Variants in IMMP2L observed in about 807,000 individuals in gnomAD.
IMMP2L encodes the protein mitochondrial inner membrane protease subunit 2.
A neutral mutation model predicts 19.3 loss-of-function variants in IMMP2L; 18 were observed. That is an observed-to-expected ratio of 0.93 (90% CI 0.64 to 1.38). The LOEUF (loss-of-function observed/expected upper bound fraction) is 1.38, where lower values mean the gene tolerates loss of function less well. IMMP2L is among the 40% of genes most tolerant of loss of function. The probability of loss-of-function intolerance (pLI) is 0.00; values close to 1 mark genes in which losing one functional copy is unlikely to be tolerated. For missense variants in IMMP2L, 233 were observed against 218.2 expected (o/e 1.07, Z -0.43); for synonymous variants, 76 against 73.0 (o/e 1.04, Z -0.21).
chr7:110,914,040 C>T (rs1405427873), intron 4 of IMMP2L, among the ~76,000 whole-genome samples: 1 of 152,096 alleles, frequency 6.6e-6, no homozygotes, highest in African/African-American at 2.4e-5. Flanking sequence ...AGTCAACCAG[C>T]AAAATGTCTT....
At chr7:110,927,232 C>T (rs1353196350) in intron 4 of IMMP2L, among the ~76,000 whole-genome samples, 1 of 151,922 alleles carries the variant, frequency 6.6e-6, no homozygotes, top group Non-Finnish European at 1.5e-5. Context: ...AGACCTTACC[C>T]AACATATATA....
intron 3 of IMMP2L, chr7:111,394,860 G>A (rs1043904782): frequency 4.4e-6 from 1 of 228,220 alleles, no homozygotes; most frequent in East Asian, 1.1e-4. Context: ...AATAGTATCA[G>A]TGTAAGGCCC....
At chr7:111,119,040 C>A (rs1800249961) in intron 3 of IMMP2L, among the ~76,000 whole-genome samples, 1 of 152,164 alleles carries the variant, frequency 6.6e-6, no homozygotes, top group African/African-American at 2.4e-5. Flanking sequence ...TATATTAAGA[C>A]TCCCCCAGAA....
chr7:111,406,153 T>G (rs977937175), intron 3 of IMMP2L, among the ~76,000 whole-genome samples: 12 of 152,142 alleles, frequency 7.9e-5, no homozygotes, highest in Non-Finnish European at 1.0e-4. Context: ...AAAATTTGCT[T>G]TCTACCACCC....
intron 3 of IMMP2L, among the ~76,000 whole-genome samples, chr7:111,152,904 T>C (rs971661374): frequency 1.3e-5 from 2 of 152,128 alleles, no homozygotes; most frequent in Non-Finnish European, 2.9e-5. Flanking sequence ...AAATAGTGGA[T>C]AGCTGTATAT....
chr7:111,156,332 A>C (rs1384674743), intron 3 of IMMP2L, among the ~76,000 whole-genome samples: 1 of 152,108 alleles, frequency 6.6e-6, no homozygotes, highest in Non-Finnish European at 1.5e-5. Flanking sequence ...TAAAAGTTCT[A>C]GTTGCTCCAC....
chr7:110,925,149 T>C (rs752192216), intron 4 of IMMP2L, among the ~76,000 whole-genome samples: 8 of 152,160 alleles, frequency 5.3e-5, no homozygotes, highest in Non-Finnish European at 1.2e-4. Context: ...CTTTTATTTT[T>C]CTATATGGAT....
intron 5 of IMMP2L, among the ~76,000 whole-genome samples, chr7:110,768,463 G>A (rs193092792): frequency 1.3e-5 from 2 of 152,204 alleles, no homozygotes; most frequent in Non-Finnish European, 2.9e-5. Flanking sequence ...TAAGTAGAGA[G>A]AGGAGTGACC....
chr7:111,009,840 C>A (rs1824740252), intron 3 of IMMP2L, among the ~76,000 whole-genome samples: 3 of 152,062 alleles, frequency 2.0e-5, no homozygotes, highest in Non-Finnish European at 4.4e-5. Context: ...GTTTTGAGAA[C>A]AGAACAAAAG....
At chr7:110,722,942 T>A (rs1795667718) in intron 5 of IMMP2L, among the ~76,000 whole-genome samples, 1 of 152,092 alleles carries the variant, frequency 6.6e-6, no homozygotes, top group Non-Finnish European at 1.5e-5. Flanking sequence ...TTGGTTACAA[T>A]TTGTGCAGGG....
chr7:111,056,916 T>C (rs1376093308), intron 3 of IMMP2L, among the ~76,000 whole-genome samples: 2 of 152,236 alleles, frequency 1.3e-5, no homozygotes, highest in South Asian at 4.1e-4. Flanking sequence ...AAAATCCACA[T>C]ATAAATGCAG....
At chr7:111,294,350 G>A (rs1278992193) in intron 3 of IMMP2L, among the ~76,000 whole-genome samples, 1 of 151,836 alleles carries the variant, frequency 6.6e-6, no homozygotes, top group Non-Finnish European at 1.5e-5. Flanking sequence ...AAACCAGAAT[G>A]AGCAGTATAT....
chr7:111,277,848 A>G (rs1688373939), intron 3 of IMMP2L, among the ~76,000 whole-genome samples: 1 of 152,216 alleles, frequency 6.6e-6, no homozygotes, highest in Admixed American at 6.5e-5. Flanking sequence ...GCCCATCAGC[A>G]GAAGACTGGA....
At chr7:111,323,130 T>A (rs561386315) in intron 3 of IMMP2L, among the ~76,000 whole-genome samples, 1 of 151,132 alleles carries the variant, frequency 6.6e-6, no homozygotes, top group East Asian at 2.0e-4. Context: ...CAGAAGGAAA[T>A]TAATAAAAAT....
chr7:111,416,283 G>A (rs911472242), intron 3 of IMMP2L, among the ~76,000 whole-genome samples: 2 of 151,806 alleles, frequency 1.3e-5, no homozygotes, highest in African/African-American at 2.4e-5. Flanking sequence ...AATAAAATAT[G>A]CAGTCTTTCA....
chr7:111,547,511 C>G (rs1472500047), intron 1 of IMMP2L, among the ~76,000 whole-genome samples: 2 of 150,500 alleles, frequency 1.3e-5, no homozygotes, highest in East Asian at 2.0e-4. Context: ...TCATACCCCC[C>G]CCCCCTTTTT....
chr7:110,794,021 G>A (rs1800675547), intron 5 of IMMP2L, among the ~76,000 whole-genome samples: 1 of 152,064 alleles, frequency 6.6e-6, no homozygotes, highest in African/African-American at 2.4e-5. Flanking sequence ...AGGATGTAAA[G>A]CAATAGGAAG....
Position 110,886,677 on chromosome 7 carries a change from G to T in IMMP2L, c.324C>A (p.Asn108Lys). 1 of 1,588,292 alleles carries T rather than the reference G, an allele frequency of 6.3e-7. No individual in the cohort carries two copies. The highest frequency in any genetic ancestry group is 8.6e-7 in the Non-Finnish European group (1 of 1,156,892). ...GACCACGGGGGACTTTGACATACCG[G>T]TTTTTGTGTCCTATGGTTCTGGAAA... The part of the protein sequence containing the change: ...GDIVRTIGHK[N>K]RYVKVPRGHI... Residue 108 changes from asparagine to lysine, a missense_variant, in exon 5 of 6, where the codon AAC becomes AAA. Asn to Lys is a moderately conservative substitution (Grantham distance 94). Coordinates refer to ENST00000405709, the MANE Select transcript of IMMP2L (RefSeq NM_032549.4).
At chr7:111,302,194 G>GT (rs1822331849) in intron 3 of IMMP2L, among the ~76,000 whole-genome samples, 1 of 151,980 alleles carries the variant, frequency 6.6e-6, no homozygotes, top group Admixed American at 6.6e-5. Context: ...CAACTAAAAT[G>GT]TTACCTCCTA....
Sources: gnomAD v4.1 joint callset for allele counts (sites outside exome capture counted in the v4.1 genomes callset) on GRCh38, gnomAD v4.1.1 for gene constraint, MANE v1.5 for transcripts, NCBI Gene and HGNC (gene_info 2026-07-23, HGNC 2026-07-21) for gene names.